DLG2: variants seen among roughly 807,000 people sequenced by gnomAD.
DLG2 encodes discs large MAGUK scaffold protein 2, also known as disks large homolog 2.
In DLG2, 45 loss-of-function variants were observed where a neutral mutation model predicts 132.5. That is an observed-to-expected ratio of 0.34 (90% CI 0.27 to 0.44). The LOEUF is 0.44. Among genes scored for constraint, DLG2 ranks in the 20% least tolerant of loss-of-function variants. DLG2 has a pLI of 1.00. For synonymous variants in DLG2, 424 were observed against 419.6 expected (o/e 1.01, Z -0.13); for missense variants, 1,045 against 1,196.9 (o/e 0.87, Z 1.87).
chr11:84,415,534 T>C (rs922274132), intron 7 of DLG2, among the ~76,000 whole-genome samples: 2 of 152,158 alleles, frequency 1.3e-5, no homozygotes, highest in African/African-American at 4.8e-5. Context: ...ATGAAACAAC[T>C]GCCAGACTAC....
chr11:84,497,836 C>G (rs1182312891), intron 7 of DLG2, among the ~76,000 whole-genome samples: 3 of 152,244 alleles, frequency 2.0e-5, no homozygotes, highest in Non-Finnish European at 4.4e-5. Flanking sequence ...ATCCGCATTA[C>G]CTTGATCTGA....
At chr11:83,603,351 G>A (rs759523761) in intron 19 of DLG2, among the ~76,000 whole-genome samples, 27 of 151,862 alleles carry the variant, frequency 1.8e-4, no homozygotes, top group African/African-American at 6.5e-4. Context: ...CATCCATGTT[G>A]ATGTATATAA....
chr11:84,838,329 T>A (rs1389756300), intron 6 of DLG2, among the ~76,000 whole-genome samples: 1 of 151,776 alleles, frequency 6.6e-6, no homozygotes, highest in Non-Finnish European at 1.5e-5. Context: ...TCACCAACAA[T>A]TGATACTGGG....
At chr11:84,343,101 T>C (rs1246398661) in intron 7 of DLG2, among the ~76,000 whole-genome samples, 1 of 152,140 alleles carries the variant, frequency 6.6e-6, no homozygotes, top group African/African-American at 2.4e-5. Flanking sequence ...TGTGGGAACA[T>C]GGGTACAGAG....
At chr11:85,145,884 T>A in intron 5 of DLG2, among the ~76,000 whole-genome samples, 1 of 152,120 alleles carries the variant, frequency 6.6e-6, no homozygotes, top group East Asian at 1.9e-4. Flanking sequence ...ATGTTCTTGA[T>A]GCTTGTGGAT....
chr11:85,346,219 G>C (rs992098988), intron 3 of DLG2, among the ~76,000 whole-genome samples: 2 of 150,240 alleles, frequency 1.3e-5, no homozygotes, highest in Non-Finnish European at 3.0e-5. Flanking sequence ...ACAGAGTCTC[G>C]TTCTGTTGCC....
At chr11:84,303,536 T>C (rs1194505446) in intron 7 of DLG2, among the ~76,000 whole-genome samples, 1 of 152,212 alleles carries the variant, frequency 6.6e-6, no homozygotes, top group African/African-American at 2.4e-5. Flanking sequence ...TATTTCAACC[T>C]TACAGAGAAC....
intron 6 of DLG2, among the ~76,000 whole-genome samples, chr11:84,568,963 C>T (rs537364525): frequency 1.2e-4 from 19 of 152,276 alleles, no homozygotes; most frequent in Middle Eastern, 6.8e-3. Context: ...TATAGCCTAG[C>T]CTGCAGCCCT....
At chr11:83,846,872 C>T (rs1413383851) in intron 16 of DLG2, among the ~76,000 whole-genome samples, 2 of 136,272 alleles carry the variant, frequency 1.5e-5, no homozygotes, top group African/African-American at 2.7e-5. Context: ...AACAAAGAAC[C>T]AATTTTATGT....
At chr11:84,099,277 G>A (rs2092175668) in intron 9 of DLG2, among the ~76,000 whole-genome samples, 1 of 152,134 alleles carries the variant, frequency 6.6e-6, no homozygotes, top group Non-Finnish European at 1.5e-5. Context: ...TTTAAAAATT[G>A]CTTCCTTTAT....
chr11:84,462,471 G>A (rs2099082956), intron 7 of DLG2, among the ~76,000 whole-genome samples: 1 of 150,960 alleles, frequency 6.6e-6, no homozygotes, highest in Non-Finnish European at 1.5e-5. Context: ...TAGTTTTCTT[G>A]GTAGAAGAAA....
At chr11:84,329,650 G>A (rs1178040611) in intron 7 of DLG2, among the ~76,000 whole-genome samples, 1 of 152,166 alleles carries the variant, frequency 6.6e-6, no homozygotes, top group African/African-American at 2.4e-5. Flanking sequence ...ATAGCAATAT[G>A]AGAACAGACT....
At chr11:84,195,320 C>A (rs1468612064) in intron 8 of DLG2, among the ~76,000 whole-genome samples, 1 of 152,136 alleles carries the variant, frequency 6.6e-6, no homozygotes, top group Non-Finnish European at 1.5e-5. Context: ...CACGCCACCA[C>A]GTCCAGGTAA....
intron 6 of DLG2, among the ~76,000 whole-genome samples, chr11:84,560,460 T>C (rs184943168): frequency 6.6e-6 from 1 of 152,222 alleles, no homozygotes; most frequent in East Asian, 1.9e-4. Flanking sequence ...TAGAAGAACT[T>C]AATTTTATTC....
intron 16 of DLG2, among the ~76,000 whole-genome samples, chr11:83,836,202 A>G (rs1001425501): frequency 6.6e-6 from 1 of 152,098 alleles, no homozygotes; most frequent in Admixed American, 6.5e-5. Flanking sequence ...TTAGATGAGG[A>G]TCACACCCCT....
intron 7 of DLG2, among the ~76,000 whole-genome samples, chr11:84,512,552 A>C (rs1370071696): frequency 1.3e-5 from 2 of 152,196 alleles, no homozygotes; most frequent in Non-Finnish European, 2.9e-5. Flanking sequence ...TGAAAAATTC[A>C]AATGACTACC....
At chr11:85,571,582 G>A (rs2077845728) in intron 3 of DLG2, among the ~76,000 whole-genome samples, 1 of 152,142 alleles carries the variant, frequency 6.6e-6, no homozygotes, top group African/African-American at 2.4e-5. Flanking sequence ...AACTTGCTCA[G>A]ATTAAACTTG....
At chr11:84,533,905 C>A (rs1337685656) in intron 7 of DLG2, among the ~76,000 whole-genome samples, 7 of 70,282 alleles carry the variant, frequency 1.0e-4, no homozygotes, top group Admixed American at 4.1e-4. Context: ...CCAGTTCAGC[C>A]AAAAAAAAAA....
rs546257791 is a variant in DLG2, at chr11:85,434,362, C to CA, written c.41-148998dup. 2.0e-3 allele frequency among the ~76,000 whole-genome samples: 294 copies of CA among 147,068 alleles called. 2 individuals carry two copies. Among genetic ancestry groups the CA allele is most frequent in the Admixed American group, 5.1e-3 (76 of 14,856 alleles). On this transcript the variant is annotated intron_variant, in intron 3 of 27. Transcript: ENST00000376104. ...GGAGATAGAGACACGAAAAACCCTT[C>CA]AAAAAATCAATGAATCCAGGGGCTG...
Sources: allele counts gnomAD v4.1 joint callset (sites outside exome capture counted in the v4.1 genomes callset), GRCh38; gene constraint gnomAD v4.1.1; transcripts MANE v1.5; gene names NCBI Gene and HGNC (gene_info 2026-07-23, HGNC 2026-07-21).